The following ZSCAN21 variants were observed in gnomAD, a reference collection of about 807,000 sequenced individuals.
ZSCAN21 encodes zinc finger and SCAN domain containing 21, also known as zinc finger and SCAN domain-containing protein 21.
ZSCAN21 carries 26 observed loss-of-function variants against 35.6 expected under a neutral mutation model. The observed-to-expected ratio is 0.73, with a 90% CI of 0.54 to 1.01. The LOEUF (loss-of-function observed/expected upper bound fraction) is 1.01. Among genes scored for constraint, ZSCAN21 ranks in the 50% least tolerant of loss-of-function variants. The probability of loss-of-function intolerance (pLI) is 0.00; values close to 1 mark genes in which losing one functional copy is unlikely to be tolerated. For synonymous variants in ZSCAN21, 219 were observed against 219.3 expected (o/e 1.00, Z 0.01); for missense variants, 593 against 587.1 (o/e 1.01, Z -0.10).
At chr7:100,050,655 G>A (rs542977309) in intron 1 of ZSCAN21, among the ~76,000 whole-genome samples, 57 of 152,092 alleles carry the variant, frequency 3.7e-4, no homozygotes, top group South Asian at 1.5e-3. Context: ...CCGAGATCAC[G>A]CCACTGCACT....
In ZSCAN21 at chr7:100,057,012, G is replaced by T; in HGVS notation, c.6G>T (p.Met2Ile). The T allele has an allele frequency of 1.3e-6, 2 of 1,593,958 alleles. No individual in the cohort carries two copies. The highest frequency in any genetic ancestry group is 2.2e-5 in the South Asian group (2 of 89,410). Reference protein sequence around the residue: MMTKVLGMAPVL... With the variant: MITKVLGMAPVL... The stretch of plus-strand genomic sequence containing the variant: ...AGGCTGTTTCTGGAGTTTACATGAT[G>T]ACCAAGGTACTAGGCATGGCCCCAG... The change falls in exon 2 of 4, where the codon ATG (methionine) becomes ATT (isoleucine). Residue 2 changes from methionine to isoleucine, a missense_variant. By Grantham distance (10) the Met-to-Ile change is conservative. Transcript: ENST00000292450.
rs1267489081 is a variant in ZSCAN21, at chr7:100,054,959, T to C, written c.-96-1952T>C. ...TCAGAAAACTACTTATGATCTCTCT[T>C]TTTTTTTTTTTTTTGAGACTGAGTC... is the stretch of plus-strand genomic sequence containing the variant. On this transcript the variant is annotated intron_variant, in intron 1 of 3. Transcript: ENST00000292450. Among the ~76,000 whole-genome samples, 58 of 26,384 alleles carry C rather than the reference T, an allele frequency of 2.2e-3. No homozygotes were observed. The Admixed American group carries it at 0.025, about 11-fold the overall frequency. 17.3% of individuals were successfully genotyped at this position (26,384 alleles called of 152,430 possible).
At chr7:100,050,031 G>C (rs1257718499) in intron 1 of ZSCAN21, among the ~76,000 whole-genome samples, 190 bp downstream of exon 1, 2 of 152,226 alleles carry the variant, frequency 1.3e-5, no homozygotes, top group Non-Finnish European at 2.9e-5. Context: ...TGGCTGCCTG[G>C]AAAGCCTTTT....
chr7:100,051,719 T>C (rs1791887324), intron 1 of ZSCAN21: 1 of 151,950 alleles, frequency 6.6e-6, no homozygotes, highest in South Asian at 2.1e-4. Context: ...CAGAATGGAC[T>C]TGGGGCGCTT....
In ZSCAN21 at chr7:100,061,571, A is replaced by G. The variant is rs192817326; in HGVS notation, c.593-2217A>G. Among the ~76,000 whole-genome samples, 6 of 152,340 alleles carry G rather than the reference A, an allele frequency of 3.9e-5. No homozygotes were observed. The East Asian group carries it at 1.2e-3, about 29-fold the overall frequency. ...TACTTCTGTCCCACACATGTAGTCCATGGCTGTCCAGTGACTCGAAGAGAA... is the reference window on the plus strand; with the variant it reads ...TACTTCTGTCCCACACATGTAGTCCGTGGCTGTCCAGTGACTCGAAGAGAA... On this transcript the variant is annotated intron_variant, in intron 3 of 3. Transcript: ENST00000292450.
At chr7:100,050,181 T>G (rs1791808134) in intron 1 of ZSCAN21, among the ~76,000 whole-genome samples, 2 of 152,234 alleles carry the variant, frequency 1.3e-5, no homozygotes, top group South Asian at 2.1e-4. Context: ...TTTTTCCCTT[T>G]CTCTGAACTG....
intron 1 of ZSCAN21, among the ~76,000 whole-genome samples, chr7:100,053,554 T>TG (rs1791970330): frequency 3.9e-5 from 2 of 51,496 alleles, no homozygotes; most frequent in East Asian, 8.8e-4. Flanking sequence ...TAATTTTTTT[T>TG]TTTTTTTTTT....
chr7:100,061,839 A>G (rs981808864), intron 3 of ZSCAN21, among the ~76,000 whole-genome samples: 22 of 152,176 alleles, frequency 1.4e-4, no homozygotes, highest in African/African-American at 5.3e-4. Flanking sequence ...TCAGAGGACT[A>G]ACAGTTCTCC....
At chr7:100,056,675 G>T (rs1466565616) in intron 1 of ZSCAN21, among the ~76,000 whole-genome samples, 1 of 152,032 alleles carries the variant, frequency 6.6e-6, no homozygotes, top group African/African-American at 2.4e-5. Context: ...TGTTGGCCAG[G>T]CTGGTCTCAA....
rs1792490824 is a variant in ZSCAN21 at position 100,064,000 on chromosome 7, A to G, written c.805A>G (p.Lys269Glu). 3 of 1,614,062 alleles carry G rather than the reference A, an allele frequency of 1.9e-6. No homozygotes were observed. Among genetic ancestry groups the G allele is most frequent in the South Asian group, 1.1e-5 (1 of 91,088 alleles). ...GAAAGGTAGAGAATCAGTTCCTACT[A>G]AACCTACCCCAGGAGAGAGACGTTA... ...SKKGRESVPT[K>E]PTPGERRYIC... The change falls in exon 4 of 4, where the codon AAA becomes GAA. Residue 269 changes from lysine to glutamate, a missense_variant. By Grantham distance (56) the Lys-to-Glu change is moderately conservative. Transcript: ENST00000292450.
In ZSCAN21 at chr7:100,056,967, A is replaced by G; in HGVS notation, c.-40A>G. 1 of 1,530,054 alleles carries G rather than the reference A, an allele frequency of 6.5e-7. No individual in the cohort carries two copies. The highest frequency in any genetic ancestry group is 8.8e-7 in the Non-Finnish European group (1 of 1,138,838). 94.8% of individuals were successfully genotyped at this position (1,530,054 alleles called of 1,614,324 possible). On this transcript the variant is annotated 5_prime_UTR_variant, in exon 2 of 4. Transcript: ENST00000292450. The stretch of plus-strand genomic sequence containing the variant: ...CCAAAGGAACGAATATTCCTGCCCC[A>G]CAGAGTCCCATCTTTGGTGAGGCTG...
intron 3 of ZSCAN21, among the ~76,000 whole-genome samples, chr7:100,061,701 C>T (rs757076009): frequency 1.3e-5 from 2 of 152,170 alleles, no homozygotes; most frequent in Non-Finnish European, 2.9e-5. Context: ...AGCCTGGAAG[C>T]AGCTGATAGT....
In ZSCAN21 at chr7:100,063,836, G is replaced by T. The variant is rs1425372750; in HGVS notation, c.641G>T (p.Gly214Val). Residue 214 changes from glycine (G) to valine (V), a missense_variant, in exon 4 of 4, where the codon GGT becomes GTT. Physicochemically the swap from Gly to Val is moderately radical, Grantham distance 109. Transcript: ENST00000292450. ...GAGGAATCAGCAGATGAGCAGAAAG[G>T]TTCTGAAGCAGAGGGGCTCAAAGGG... ...QHEESADEQK[G>V]SEAEGLKGDI... The T allele has an allele frequency of 6.2e-7, 1 of 1,613,766 alleles. No individual in the cohort carries two copies. The highest frequency in any genetic ancestry group is 8.5e-7 in the Non-Finnish European group (1 of 1,180,006).
chr7:100,051,282 C>CTTTTTTTTTTTT (rs1164734568), intron 1 of ZSCAN21, among the ~76,000 whole-genome samples: 607 of 34,972 alleles, frequency 0.017, 227 homozygotes, highest in East Asian at 0.062. Context: ...TAGGGATTTT[C>CTTTTTTTTTTTT]TTTTTTTTTT....
chr7:100,061,425 G>A (rs918698285), intron 3 of ZSCAN21, among the ~76,000 whole-genome samples: 2 of 152,146 alleles, frequency 1.3e-5, no homozygotes, highest in East Asian at 3.9e-4. Context: ...GGGAGGCTGA[G>A]GCAGGAGGAT....
chr7:100,054,271 A>G (rs1041972832), intron 1 of ZSCAN21, among the ~76,000 whole-genome samples: 10 of 150,976 alleles, frequency 6.6e-5, no homozygotes, highest in African/African-American at 2.2e-4. Flanking sequence ...TTTTTTTGCA[A>G]CGGAGTCTCA....
At chr7:100,053,546 A>ATACATACATACATACATAG (rs755978112) in intron 1 of ZSCAN21, among the ~76,000 whole-genome samples, 2 of 79,488 alleles carry the variant, frequency 2.5e-5, no homozygotes, top group Admixed American at 2.4e-4. Context: ...TACATACATA[A>ATACATACATACATACATAG]TTTTTTTTTT....
rs1448604857 is a variant in ZSCAN21, at chr7:100,064,193, A to T, written c.998A>T (p.Tyr333Phe). 6.2e-7 allele frequency: 1 copy of T among 1,614,124 alleles called. No individual in the cohort carries two copies. The highest frequency in any genetic ancestry group is 2.2e-5 in the East Asian group (1 of 44,894). ...HYRTHLVDRP[Y>F]DCKCGKAFGQ... Reference sequence around the variant, plus strand: ...AGAACACACTTGGTGGACCGGCCCTATGACTGTAAGTGTGGAAAAGCTTTT... The same window carrying T: ...AGAACACACTTGGTGGACCGGCCCTTTGACTGTAAGTGTGGAAAAGCTTTT... The change falls in exon 4 of 4, where the codon TAT becomes TTT. Residue 333 changes from tyrosine to phenylalanine, a missense_variant. Physicochemically the swap from Tyr to Phe is conservative, Grantham distance 22. Coordinates refer to ENST00000292450, the MANE Select transcript of ZSCAN21 (RefSeq NM_145914.3).
Position 100,053,354 on chromosome 7 carries a change from G to GTGCT in ZSCAN21, c.-97+3514_-97+3517dup, listed in dbSNP as rs575129888. On this transcript the variant is annotated intron_variant, in intron 1 of 3. Transcript: ENST00000292450. ...GACGCTCCCTGTGTGATGCCAGCAG[G>GTGCT]TGCTGCATGACTCCCTGGTGAATTG... 5.9e-5 allele frequency among the ~76,000 whole-genome samples: 9 copies of GTGCT among 152,032 alleles called. No individual in the cohort carries two copies. In the South Asian group the frequency reaches 1.9e-3, roughly 32 times the overall value.
Sources: allele counts gnomAD v4.1 joint callset (sites outside exome capture counted in the v4.1 genomes callset), GRCh38; gene constraint gnomAD v4.1.1; transcripts MANE v1.5; gene names NCBI Gene and HGNC (gene_info 2026-07-23, HGNC 2026-07-21).